The following PALLD variants were observed in gnomAD, a reference collection of about 807,000 sequenced individuals.
PALLD encodes the protein palladin, cytoskeletal associated protein.
Under a neutral mutation model 123.5 loss-of-function variants are expected in PALLD, and 61 were observed. That is an observed-to-expected ratio of 0.49 (90% CI 0.40 to 0.61). The LOEUF (loss-of-function observed/expected upper bound fraction) is 0.61. PALLD is among the 20% of genes least tolerant of loss of function. The pLI is 0.00. For synonymous variants in PALLD, 465 were observed against 496.4 expected (o/e 0.94, Z 0.84); for missense variants, 1,273 against 1,377.0 (o/e 0.92, Z 1.20).
intron 10 of PALLD, among the ~76,000 whole-genome samples, chr4:168,849,830 T>G (rs1274031182): frequency 6.6e-6 from 1 of 151,692 alleles, no homozygotes. Flanking sequence ...GCTGGCTGCA[T>G]CAGGGGGCTC....
At chr4:168,736,072 A>G (rs773133539) in intron 10 of PALLD, among the ~76,000 whole-genome samples, 39 of 152,224 alleles carry the variant, frequency 2.6e-4, no homozygotes, top group Non-Finnish European at 4.4e-4. Context: ...CAGTGGCTCA[A>G]TGAGTGGCAG....
Position 168,764,767 on chromosome 4 carries a change from G to A in PALLD, c.1964+52844G>A, listed in dbSNP as rs564263275. 9.3e-4 allele frequency among the ~76,000 whole-genome samples: 141 copies of A among 152,072 alleles called. 1 individual carries two copies. The highest frequency in any genetic ancestry group is 3.2e-3 in the African/African-American group (134 of 41,490). On this transcript the variant is annotated intron_variant, in intron 10 of 21. Coordinates refer to ENST00000505667, the MANE Select transcript of PALLD (RefSeq NM_001166108.2). ...CTCAAAGACTTGCTTAGAGATGACC[G>A]TACCATCTCTAAGCAAGTTTTCCTT...
chr4:168,526,621 T>G (rs538284804), intron 2 of PALLD, among the ~76,000 whole-genome samples: 5 of 152,332 alleles, frequency 3.3e-5, no homozygotes, highest in Admixed American at 6.5e-5. Flanking sequence ...CCTTTCATCA[T>G]GCAAACACAA....
chr4:168,810,784 C>T (rs1423134783), intron 10 of PALLD, among the ~76,000 whole-genome samples: 8 of 149,010 alleles, frequency 5.4e-5, no homozygotes, highest in African/African-American at 1.2e-4. Context: ...GTCCGCAGTC[C>T]GGCCTGGGCG....
At chr4:168,568,897 C>A (rs527466839) in intron 2 of PALLD, among the ~76,000 whole-genome samples, 67 of 151,642 alleles carry the variant, frequency 4.4e-4, no homozygotes, top group Admixed American at 1.3e-3. Context: ...GTGAGTTGTT[C>A]TATATTTTAA....
At chr4:168,826,849 A>G (rs569218478) in intron 10 of PALLD, among the ~76,000 whole-genome samples, 1 of 152,324 alleles carries the variant, frequency 6.6e-6, no homozygotes, top group African/African-American at 2.4e-5. Context: ...AGGTCATGGA[A>G]ACAGTGGAAC....
Position 168,903,849 on chromosome 4 carries a change from C to T in PALLD, c.2565C>T (p.Thr855=). The change falls in exon 15 of 22, where the codon ACC becomes ACT. Residue 855 remains threonine (T), a synonymous_variant. Coordinates refer to ENST00000505667, the MANE Select transcript of PALLD (RefSeq NM_001166108.2). The part of the protein sequence containing the change: ...RDLDGTCSLH[T]TASTLDDDGN... ...TCGATGGGACCTGCTCCCTCCATAC[C>T]ACAGCCTCCACCCTAGATGATGATG... The T allele has an allele frequency of 6.2e-7, 1 of 1,613,672 alleles. No homozygotes were observed. The highest frequency in any genetic ancestry group is 8.5e-7 in the Non-Finnish European group (1 of 1,179,640).
At chr4:168,635,740 C>T (rs1776282406) in intron 2 of PALLD, among the ~76,000 whole-genome samples, 2 of 152,202 alleles carry the variant, frequency 1.3e-5, no homozygotes, top group Admixed American at 6.5e-5. Flanking sequence ...GATCTTCCCA[C>T]CAACCCTTCA....
At chr4:168,893,647 G>A (rs1463411171) in intron 11 of PALLD, among the ~76,000 whole-genome samples, 1 of 152,156 alleles carries the variant, frequency 6.6e-6, no homozygotes, top group Non-Finnish European at 1.5e-5. Flanking sequence ...CTCCCGATGA[G>A]GCAGGTGGTA....
chr4:168,922,079 TTA>T (rs1457613340), intron 18 of PALLD, among the ~76,000 whole-genome samples: 4 of 132,868 alleles, frequency 3.0e-5, no homozygotes, highest in African/African-American at 1.3e-4. Flanking sequence ...ATATAAAGTT[TTA>T]TATTTATATA....
At chr4:168,825,586 G>T (rs1743305718) in intron 10 of PALLD, among the ~76,000 whole-genome samples, 1 of 152,188 alleles carries the variant, frequency 6.6e-6, no homozygotes, top group Admixed American at 6.5e-5. Context: ...GTTAATCAGA[G>T]TTAGGGAAAT....
chr4:168,575,850 C>T (rs1769514207), intron 2 of PALLD, among the ~76,000 whole-genome samples: 1 of 152,088 alleles, frequency 6.6e-6, no homozygotes, highest in Admixed American at 6.6e-5. Flanking sequence ...TCTCCTCTGG[C>T]TGCATGTTAG....
rs1216041276 is a variant in PALLD, at chr4:168,894,901, ATTC to A, written c.2199+233_2199+235del. 2.3e-5 allele frequency: 14 copies of A among 621,490 alleles called. 1 individual carries two copies. Among genetic ancestry groups the A allele is most frequent in the South Asian group, 1.1e-4 (5 of 46,506 alleles). The allele number at this position is 621,490 out of a possible 1,614,324, so 38.5% of individuals were successfully genotyped here. On this transcript the variant is annotated intron_variant, in intron 12 of 21. Coordinates refer to ENST00000505667, the MANE Select transcript of PALLD (RefSeq NM_001166108.2). The stretch of plus-strand genomic sequence containing the variant: ...TCCATCAGTGATACCTGTTCTTTTT[ATTC>A]TTCTTCTTGATTATTCTCCTTTCCA...
intron 2 of PALLD, among the ~76,000 whole-genome samples, chr4:168,578,127 TG>T (rs1580398662): frequency 6.6e-6 from 1 of 152,066 alleles, no homozygotes; most frequent in Non-Finnish European, 1.5e-5. Context: ...TAAATAACAT[TG>T]GTTTGTTCTA....
intron 10 of PALLD, among the ~76,000 whole-genome samples, chr4:168,756,722 G>A (rs529643263): frequency 2.6e-5 from 4 of 152,264 alleles, no homozygotes; most frequent in African/African-American, 7.2e-5. Flanking sequence ...TTTCCATATG[G>A]GAATGTCAAG....
At chr4:168,915,821 A>G (rs891109020) in intron 16 of PALLD, 74 bp from the exon 17 acceptor site, 11 of 1,189,882 alleles carry the variant, frequency 9.2e-6, no homozygotes, top group Non-Finnish European at 1.4e-5. Context: ...GTATTTTAAG[A>G]AAACAGATGA....
intron 3 of PALLD, among the ~76,000 whole-genome samples, chr4:168,669,459 C>A (rs189037097): frequency 6.6e-6 from 1 of 151,932 alleles, no homozygotes; most frequent in Non-Finnish European, 1.5e-5. Flanking sequence ...GGCCTGGTGG[C>A]GTGTACTTGT....
intron 3 of PALLD, 88 bp from the exon 4 acceptor site, chr4:168,681,244 A>G: frequency 4.8e-6 from 4 of 832,324 alleles, no homozygotes; most frequent in Non-Finnish European, 8.2e-6. Context: ...TTTGTATGTT[A>G]TTTTATTTAA....
intron 10 of PALLD, among the ~76,000 whole-genome samples, chr4:168,739,717 C>T (rs1429815185): frequency 6.6e-6 from 1 of 152,146 alleles, no homozygotes; most frequent in African/African-American, 2.4e-5. Flanking sequence ...TTTTAAAAGT[C>T]CAGACAAGAA....
Sources: allele counts gnomAD v4.1 joint callset (sites outside exome capture counted in the v4.1 genomes callset), GRCh38; gene constraint gnomAD v4.1.1; transcripts MANE v1.5; gene names NCBI Gene and HGNC (gene_info 2026-07-23, HGNC 2026-07-21).